The following YAE1 variants were observed in gnomAD, a reference collection of about 807,000 sequenced individuals.
YAE1 encodes the protein YAE1 maturation factor of ABCE1, also known as protein YAE1 homolog.
Under a neutral mutation model 23.0 loss-of-function variants are expected in YAE1, and 22 were observed. That is an observed-to-expected ratio of 0.96 (90% CI 0.68 to 1.37). YAE1 has a LOEUF of 1.37. Ranked by LOEUF, YAE1 falls within the 40% of genes most tolerant of loss-of-function variation. The pLI, the probability that YAE1 is intolerant of heterozygous loss-of-function variation, is 0.00. For missense variants in YAE1, 260 were observed against 262.1 expected (o/e 0.99, Z 0.06); for synonymous variants, 101 against 97.0 (o/e 1.04, Z -0.24).
chr7:39,602,501 A>G (rs1156634278), intron 2 of YAE1, among the ~76,000 whole-genome samples: 1 of 152,242 alleles, frequency 6.6e-6, no homozygotes, highest in Non-Finnish European at 1.5e-5. Context: ...TTCTGAGAAG[A>G]TTCACTTTGC....
downstream of YAE1, among the ~76,000 whole-genome samples, chr7:39,574,733 CA>C (rs574580885): frequency 9.4e-3 from 734 of 78,076 alleles, 4 homozygotes; most frequent in Non-Finnish European, 0.014. Context: ...ACTCTGTCTC[CA>C]AAAAAAAAAA....
intron 2 of YAE1, among the ~76,000 whole-genome samples, chr7:39,609,137 A>C (rs1002370580): frequency 6.6e-6 from 1 of 152,210 alleles, no homozygotes; most frequent in Admixed American, 6.5e-5. Context: ...AGCAGTGAGG[A>C]AGAATCACAG....
intron 2 of YAE1, among the ~76,000 whole-genome samples, chr7:39,571,353 A>G (rs147654728): frequency 0.011 from 1,617 of 149,768 alleles, 29 homozygotes; most frequent in African/African-American, 0.037. Context: ...AGTTCTTCCA[A>G]TGTGGCCCAG....
intron 2 of YAE1, among the ~76,000 whole-genome samples, chr7:39,578,805 C>T (rs1790698237): frequency 6.6e-6 from 1 of 152,152 alleles, no homozygotes; most frequent in South Asian, 2.1e-4. Context: ...CCACCAATTC[C>T]GGAGACTACA....
At chr7:39,576,790 T>G (rs1217625287), downstream of YAE1, among the ~76,000 whole-genome samples, 3 of 151,384 alleles carry the variant, frequency 2.0e-5, no homozygotes, top group Admixed American at 2.0e-4. Flanking sequence ...TGGTGCTTGA[T>G]GAGAGAAAAA....
At chr7:39,602,236 TAG>T (rs1330445026) in intron 2 of YAE1, among the ~76,000 whole-genome samples, 2 of 152,260 alleles carry the variant, frequency 1.3e-5, no homozygotes, top group African/African-American at 4.8e-5. Flanking sequence ...ACTAATTCTA[TAG>T]AGTCTATCAT....
intron 2 of YAE1, among the ~76,000 whole-genome samples, chr7:39,606,698 C>A (rs1432913096): frequency 3.7e-5 from 2 of 54,536 alleles, no homozygotes; most frequent in Non-Finnish European, 6.4e-5. Context: ...GACTTAATAC[C>A]AAAAAAGCAC....
At chr7:39,575,128 T>C (rs1484873417), downstream of YAE1, among the ~76,000 whole-genome samples, 1 of 152,222 alleles carries the variant, frequency 6.6e-6, no homozygotes, top group East Asian at 1.9e-4. Context: ...AAAGCAAGAT[T>C]GCCCCAGAGC....
At chr7:39,569,962 CATT>C (rs1790538970) in intron 1 of YAE1, 1 of 1,331,250 alleles carries the variant, frequency 7.5e-7, no homozygotes, top group Non-Finnish European at 1.1e-6. Context: ...ACTTTCACAA[CATT>C]AACCTCAGAT....
Position 39,572,336 on chromosome 7 carries a change from A to G in YAE1, c.311A>G (p.Asn104Ser). Residue 104 changes from asparagine (N) to serine (S), a missense_variant, in exon 3 of 3, where the codon AAC becomes AGC. Transcript: ENST00000223273. The part of the protein sequence containing the change: ...NNNSTLINKI[N>S]NLLDAVGQCE... Reference sequence around the variant, plus strand: ...AATTCAACTTTGATCAATAAAATAAACAATCTTCTGGATGCAGTTGGCCAG... The same window carrying G: ...AATTCAACTTTGATCAATAAAATAAGCAATCTTCTGGATGCAGTTGGCCAG... 1.2e-6 allele frequency: 2 copies of G among 1,613,970 alleles called. No individual in the cohort carries two copies. The highest frequency in any genetic ancestry group is 1.7e-6 in the Non-Finnish European group (2 of 1,179,942).
chr7:39,598,794 A>C (rs371973725), intron 2 of YAE1, among the ~76,000 whole-genome samples: 4 of 148,996 alleles, frequency 2.7e-5, no homozygotes, highest in South Asian at 4.2e-4. Flanking sequence ...CAAAAAAAAA[A>C]AAAAAGAAGA....
chr7:39,601,900 A>T (rs1453635255), intron 2 of YAE1, among the ~76,000 whole-genome samples: 1 of 152,366 alleles, frequency 6.6e-6, no homozygotes, highest in South Asian at 2.1e-4. Context: ...TAGAAAAGTT[A>T]AAGTATTTTC....
chr7:39,585,014 G>A (rs1285555639), intron 2 of YAE1, among the ~76,000 whole-genome samples: 1 of 152,142 alleles, frequency 6.6e-6, no homozygotes. Context: ...ATGGCCCAGA[G>A]GTTCAAATGT....
Position 39,586,719 on chromosome 7 carries a change from C to G in YAE1, c.251+16092C>G, listed in dbSNP as rs146835453. On this transcript the variant is annotated intron_variant, in intron 2 of 2. Coordinates refer to the YAE1 transcript ENST00000432096. ...TCACCGTGTTAGCCAGGATGGCCTC[C>G]ATCTCCTGACCTCGTGATCCGCTCA... 9.0e-3 allele frequency among the ~76,000 whole-genome samples: 1,345 copies of G among 149,586 alleles called. 20 individuals carry two copies. Among genetic ancestry groups the G allele is most frequent in the African/African-American group, 0.031 (1,243 of 40,662 alleles).
intron 2 of YAE1, among the ~76,000 whole-genome samples, chr7:39,607,760 C>A (rs775013464): frequency 6.6e-6 from 1 of 152,206 alleles, no homozygotes; most frequent in East Asian, 1.9e-4. Flanking sequence ...CCTCTGCCTC[C>A]CGGGTTCAAG....
Position 39,609,835 on chromosome 7 carries a change from C to G in YAE1, c.470C>G (p.Pro157Arg), listed in dbSNP as rs769047639. 2.6e-6 allele frequency: 4 copies of G among 1,533,188 alleles called. No individual in the cohort carries two copies. The East Asian group carries it at 7.4e-5, about 28-fold the overall frequency. 95.0% of individuals were successfully genotyped at this position (1,533,188 alleles called of 1,614,324 possible). The change falls in exon 3 of 3, where the codon CCT becomes CGT. Residue 157 changes from proline (P) to arginine (R), a missense_variant. Coordinates refer to the YAE1 transcript ENST00000432096. ...CCCGCCCGGCTCCGGGCCCCAGGCC[C>G]TGGGACGCCGAGCCACCGCCGGCGT...
chr7:39,578,127 C>A (rs752943658), intron 2 of YAE1, among the ~76,000 whole-genome samples: 4 of 151,872 alleles, frequency 2.6e-5, no homozygotes, highest in Non-Finnish European at 5.9e-5. Flanking sequence ...TGGAGAACTT[C>A]TATGTCTAGC....
downstream of YAE1, among the ~76,000 whole-genome samples, chr7:39,577,441 G>A (rs1040347224): frequency 3.3e-5 from 5 of 152,182 alleles, no homozygotes; most frequent in African/African-American, 1.2e-4. Flanking sequence ...GGGAGGTGTG[G>A]AGTGAGAGTG....
chr7:39,597,502 C>G (rs570779680), intron 2 of YAE1, among the ~76,000 whole-genome samples: 1 of 152,154 alleles, frequency 6.6e-6, no homozygotes, highest in Non-Finnish European at 1.5e-5. Flanking sequence ...TCTGATAATT[C>G]GCTGGTCTCA....
Sources: allele counts gnomAD v4.1 joint callset (sites outside exome capture counted in the v4.1 genomes callset), GRCh38; gene constraint gnomAD v4.1.1; transcripts MANE v1.5; gene names NCBI Gene and HGNC (gene_info 2026-07-23, HGNC 2026-07-21).